Variants in EPG5 observed in about 807,000 individuals in gnomAD.
EPG5 encodes ectopic P-granules 5 autophagy tethering factor, also known as ectopic P granules protein 5 homolog.
EPG5 carries 159 observed loss-of-function variants against 302.7 expected under a neutral mutation model. The ratio of observed to expected loss-of-function variants is 0.53; its 90% CI spans 0.46 to 0.60. The LOEUF (loss-of-function observed/expected upper bound fraction) is 0.60, where lower values mean the gene tolerates loss of function less well. Ranked by LOEUF, EPG5 falls within the 20% of genes least tolerant of loss-of-function variation. EPG5 has a pLI of 0.00. For missense variants in EPG5, 2,896 were observed against 3,092.4 expected (o/e 0.94, Z 1.51); for synonymous variants, 1,158 against 1,136.8 (o/e 1.02, Z -0.37).
intron 9 of EPG5, among the ~76,000 whole-genome samples, chr18:45,940,580 G>T (rs987175164): frequency 6.6e-6 from 1 of 152,172 alleles, no homozygotes; most frequent in Non-Finnish European, 1.5e-5. Flanking sequence ...ATGTTTCATT[G>T]ATTCAAAAGG....
At chr18:45,928,731 G>A (rs2050330847) in intron 13 of EPG5, 138 bp downstream of exon 13, 3 of 692,372 alleles carry the variant, frequency 4.3e-6, no homozygotes, top group Non-Finnish European at 2.3e-6. Context: ...ACAGAGGCTG[G>A]CACAGTAAAT....
At chr18:45,806,543 A>G in the EPG5 span, among the ~76,000 whole-genome samples, 2 of 152,208 alleles carry the variant, frequency 1.3e-5, no homozygotes, top group East Asian at 1.9e-4. Context: ...GGAAAGGGAC[A>G]TTGTCTGCCC....
At chr18:45,889,503 T>A (rs959603642) in intron 28 of EPG5, among the ~76,000 whole-genome samples, 1 of 152,194 alleles carries the variant, frequency 6.6e-6, no homozygotes, top group Admixed American at 6.5e-5. Flanking sequence ...TTTTTCTATA[T>A]AGGGCCAGAT....
rs200936655 is a variant in EPG5 at position 45,876,232 on chromosome 18, C to T, written c.6049+4G>A. 2.6e-5 allele frequency: 42 copies of T among 1,604,398 alleles called. No homozygotes were observed. Among genetic ancestry groups the T allele is most frequent in the Non-Finnish European group, 3.3e-5 (39 of 1,171,336 alleles). ...TAAGCAGAGACAGCCTGACATCTTC[C>T]TACCTTTAAAACTCTCATGCAGTGA... is the stretch of plus-strand genomic sequence containing the variant. On this transcript the variant is annotated splice_donor_region_variant and intron_variant, in intron 35 of 43. Transcript: ENST00000282041.
chr18:45,966,237 T>A, intron 1 of EPG5, among the ~76,000 whole-genome samples: 1 of 150,134 alleles, frequency 6.7e-6, no homozygotes. Context: ...CCGGGCGTGG[T>A]GGCAGGCGCC....
intron 24 of EPG5, among the ~76,000 whole-genome samples, chr18:45,904,662 T>C (rs1398738911): frequency 6.6e-6 from 1 of 152,124 alleles, no homozygotes; most frequent in Non-Finnish European, 1.5e-5. Flanking sequence ...GGGGAGGACT[T>C]GTAGATTAAA....
At chr18:45,812,023 G>C in the EPG5 span, among the ~76,000 whole-genome samples, 843 of 152,238 alleles carry the variant, frequency 5.5e-3, 9 homozygotes, top group Middle Eastern at 0.024. Context: ...AAACCCCATC[G>C]TCTCAGCCCA....
the EPG5 span, among the ~76,000 whole-genome samples, chr18:45,833,582 G>T: frequency 6.6e-6 from 1 of 152,110 alleles, no homozygotes; most frequent in Non-Finnish European, 1.5e-5. Flanking sequence ...CAAAGTGCTG[G>T]AATTACAGGC....
intron 17 of EPG5, 163 bp from the exon 18 acceptor site, chr18:45,916,745 C>T: frequency 1.5e-6 from 1 of 659,804 alleles, no homozygotes; most frequent in Non-Finnish European, 2.4e-6. Context: ...TCACATTTAA[C>T]ATGGGTTAAA....
intron 16 of EPG5, among the ~76,000 whole-genome samples, chr18:45,918,132 A>G (rs1020813786): frequency 6.6e-6 from 1 of 152,158 alleles, no homozygotes; most frequent in Non-Finnish European, 1.5e-5. Flanking sequence ...CTCTACTACC[A>G]TATTTTATTT....
At chr18:45,889,666 G>T in intron 28 of EPG5, 132 bp downstream of exon 28, 1 of 665,008 alleles carries the variant, frequency 1.5e-6, no homozygotes, top group Non-Finnish European at 2.3e-6. Flanking sequence ...TGACTCAAAG[G>T]CCGTAGTTTG....
At chr18:45,894,029 A>G (rs142296707) in intron 27 of EPG5, among the ~76,000 whole-genome samples, 579 of 152,292 alleles carry the variant, frequency 3.8e-3, no homozygotes, top group African/African-American at 0.013. Flanking sequence ...CATGAATAAG[A>G]CAAAGTCCCT....
At chr18:45,919,663 C>T (rs1309049821) in intron 16 of EPG5, among the ~76,000 whole-genome samples, 1 of 152,076 alleles carries the variant, frequency 6.6e-6, no homozygotes, top group Non-Finnish European at 1.5e-5. Context: ...CAGGCGCCCG[C>T]CACCACGCCC....
chr18:45,817,615 C>G, the EPG5 span, among the ~76,000 whole-genome samples: 15 of 152,340 alleles, frequency 9.8e-5, no homozygotes, highest in Non-Finnish European at 1.5e-5. Context: ...TTTTATTCAT[C>G]TGACTATTGG....
intron 20 of EPG5, among the ~76,000 whole-genome samples, chr18:45,914,071 C>T (rs1425426381): frequency 6.6e-6 from 1 of 152,160 alleles, no homozygotes; most frequent in African/African-American, 2.4e-5. Flanking sequence ...ACAAGATGTT[C>T]ATTAACTCCA....
At chr18:45,934,018 G>A (rs947228665) in intron 11 of EPG5, among the ~76,000 whole-genome samples, 5 of 152,034 alleles carry the variant, frequency 3.3e-5, no homozygotes, top group East Asian at 1.9e-4. Flanking sequence ...GGCCAGGCAC[G>A]GTGGCTCACG....
the EPG5 span, among the ~76,000 whole-genome samples, chr18:45,804,323 C>T: frequency 1.3e-5 from 2 of 152,048 alleles, no homozygotes; most frequent in Non-Finnish European, 2.9e-5. Flanking sequence ...TACAATTGAA[C>T]TCCTAGAAGA....
chr18:45,803,569 G>A, the EPG5 span, among the ~76,000 whole-genome samples: 1 of 152,216 alleles, frequency 6.6e-6, no homozygotes, highest in South Asian at 2.1e-4. Flanking sequence ...GACAGAGTTT[G>A]AGGGCAACCC....
chr18:45,911,102 C>T (rs1401393269), intron 22 of EPG5, among the ~76,000 whole-genome samples: 1 of 146,828 alleles, frequency 6.8e-6, no homozygotes, highest in African/African-American at 2.6e-5. Context: ...CACACACACA[C>T]ACACACACAT....
Sources: allele counts gnomAD v4.1 joint callset (sites outside exome capture counted in the v4.1 genomes callset), GRCh38; gene constraint gnomAD v4.1.1; transcripts MANE v1.5; gene names NCBI Gene and HGNC (gene_info 2026-07-23, HGNC 2026-07-21).